The following TOR1AIP2 variants were observed in gnomAD, a reference collection of about 807,000 sequenced individuals.
TOR1AIP2 encodes torsin 1A interacting protein 2, also known as torsin-1A-interacting protein 2.
A neutral mutation model predicts 32.6 loss-of-function variants in TOR1AIP2; 20 were observed. The ratio of observed to expected loss-of-function variants is 0.61; its 90% confidence interval spans 0.43 to 0.89. TOR1AIP2 has a LOEUF of 0.89. Among genes scored for constraint, TOR1AIP2 ranks in the 40% least tolerant of loss-of-function variants. TOR1AIP2 has a pLI of 0.00. For synonymous variants in TOR1AIP2, 214 were observed against 210.8 expected, an observed-to-expected ratio of 1.02 and a Z score of -0.13; for missense variants, 456 against 553.8, an observed-to-expected ratio of 0.82 and a Z score of 1.77.
intron 1 of TOR1AIP2, 56 bp downstream of exon 1, chr1:179,877,637 A>G (rs1338630431): frequency 1.3e-5 from 2 of 152,322 alleles, no homozygotes; most frequent in African/African-American, 2.4e-5. Context: ...AAAATTCAAG[A>G]TATCAGTTTC....
At chr1:179,864,248 C>T (rs1214989433) in intron 3 of TOR1AIP2, 2 of 985,248 alleles carry the variant, frequency 2.0e-6, no homozygotes, top group African/African-American at 3.5e-5. Flanking sequence ...GAATAAATGG[C>T]TATATAAGAG....
At position 179,845,893 on chromosome 1, in the gene TOR1AIP2, G is replaced by A. The variant is rs1695883598; in HGVS notation, c.*178C>T. 1 of 632,020 alleles carries A rather than the reference G, an allele frequency of 1.6e-6. No homozygotes were observed. Among genetic ancestry groups the A allele is most frequent in the South Asian group, 3.0e-5 (1 of 33,272 alleles). The allele number at this position is 632,020 out of a possible 1,614,324, so 39.2% of individuals were successfully genotyped here. A position where few individuals can be genotyped will look rare whatever the true frequency, so the allele number is the denominator to read the frequency against. ...TAATTTTTAGCTTTGTCAAGGCTTAGATTAGAAAGATTTTACAAGGAATAA... is the reference window on the plus strand; with the variant it reads ...TAATTTTTAGCTTTGTCAAGGCTTAAATTAGAAAGATTTTACAAGGAATAA... On this transcript the variant is annotated 3_prime_UTR_variant, in exon 7 of 7. Transcript: ENST00000609928.
intron 3 of TOR1AIP2, 118 bp downstream of exon 3, chr1:179,865,318 A>G: frequency 8.8e-7 from 1 of 1,139,312 alleles, no homozygotes; most frequent in South Asian, 1.7e-5. Context: ...GAGCCAAATA[A>G]ACTTGGCTTG....
chr1:179,864,017 A>G, intron 3 of TOR1AIP2: 1 of 985,450 alleles, frequency 1.0e-6, no homozygotes, highest in South Asian at 4.7e-5. Flanking sequence ...CCTGATAGGT[A>G]CTTTTCCATT....
chr1:179,877,649 A>T (rs187245956), intron 1 of TOR1AIP2, 44 bp downstream of exon 1: 205 of 152,374 alleles, frequency 1.3e-3, no homozygotes, highest in African/African-American at 4.7e-3. Flanking sequence ...ATCAGTTTCA[A>T]TACTAAAACA....
chr1:179,876,516 A>C (rs1056710480), intron 2 of TOR1AIP2, among the ~76,000 whole-genome samples: 1 of 152,232 alleles, frequency 6.6e-6, no homozygotes, highest in Admixed American at 6.5e-5. Context: ...TTTCATAACA[A>C]ATGTTAGTTT....
intron 2 of TOR1AIP2, among the ~76,000 whole-genome samples, chr1:179,876,986 CA>C (rs1647365991): frequency 7.4e-6 from 1 of 135,412 alleles, no homozygotes; most frequent in Non-Finnish European, 1.7e-5. Context: ...TTTTTAGCAC[CA>C]ATTTTTTTTT....
In TOR1AIP2 at chr1:179,842,676, A is replaced by G. The variant is rs1225712307; in HGVS notation, c.*3395T>C. 6.6e-6 allele frequency: 1 copy of G among 152,216 alleles called. No individual in the cohort carries two copies. Among genetic ancestry groups the G allele is most frequent in the East Asian group, 1.9e-4 (1 of 5,202 alleles). The allele number at this position is 152,216 out of a possible 1,614,324, so 9.4% of individuals were successfully genotyped here. A position where few individuals can be genotyped will look rare whatever the true frequency, so the allele number is the denominator to read the frequency against. The stretch of plus-strand genomic sequence containing the variant: ...TTGTATGCCCACAAATCATTTTTCT[A>G]AGTCAAATAAGCAAATTATCTTTGA... On this transcript the variant is annotated 3_prime_UTR_variant, in exon 7 of 7. Transcript: ENST00000609928.
intron 2 of TOR1AIP2, chr1:179,868,722 G>A (rs141833662): frequency 6.6e-6 from 1 of 151,630 alleles, no homozygotes; most frequent in African/African-American, 2.4e-5. Context: ...TGAAACTCAA[G>A]AATGTTGAGC....
chr1:179,850,173 TGAAGCACCAGGAA>T (rs1260928366), intron 5 of TOR1AIP2, among the ~76,000 whole-genome samples: 185 of 152,232 alleles, frequency 1.2e-3, no homozygotes, highest in African/African-American at 4.4e-3. Context: ...AACAGGAAAT[TGAAGCACCAGGAA>T]GGGAAGATTT....
rs567454479 is a variant in TOR1AIP2, at chr1:179,842,218, C to A, written c.*3853G>T. ...ACTCTGTCTCAAAAAAAAAAAAAGGCTGTTAAAGGGTCAAAACCATCTCAG... is the reference window on the plus strand; with the variant it reads ...ACTCTGTCTCAAAAAAAAAAAAAGGATGTTAAAGGGTCAAAACCATCTCAG... On this transcript the variant is annotated 3_prime_UTR_variant, in exon 7 of 7. Coordinates refer to ENST00000609928, the MANE Select transcript of TOR1AIP2 (RefSeq NM_001199260.2). The A allele has an allele frequency of 2.7e-5, 4 of 149,008 alleles. No individual in the cohort carries two copies. The South Asian group carries it at 8.5e-4, about 32-fold the overall frequency. 9.2% of individuals were successfully genotyped at this position (149,008 alleles called of 1,614,324 possible). A position where few individuals can be genotyped will look rare whatever the true frequency, so the allele number is the denominator to read the frequency against.
chr1:179,875,219 T>A (rs1364850796), intron 2 of TOR1AIP2: 2 of 152,234 alleles, frequency 1.3e-5, no homozygotes, highest in Non-Finnish European at 2.9e-5. Context: ...GCCAGGTTGG[T>A]CTCAAACTCC....
At chr1:179,874,497 T>C (rs754222553) in intron 2 of TOR1AIP2, 4 of 152,260 alleles carry the variant, frequency 2.6e-5, no homozygotes, top group African/African-American at 9.6e-5. Context: ...TGGTGGCTCA[T>C]GCCTATAATC....
intron 3 of TOR1AIP2, 165 bp downstream of exon 3, chr1:179,865,271 G>A (rs1302959934): frequency 1.4e-5 from 20 of 1,442,642 alleles, no homozygotes; most frequent in Middle Eastern, 1.8e-4. Flanking sequence ...TACAGGTTTC[G>A]TTTACCAATT....
intron 3 of TOR1AIP2, chr1:179,860,945 TG>T (rs1476284993): frequency 1.0e-6 from 1 of 985,410 alleles, no homozygotes; most frequent in African/African-American, 1.7e-5. Flanking sequence ...CCTGTTTGCC[TG>T]GGCTTCCTTC....
At position 179,848,664 on chromosome 1, in the gene TOR1AIP2, C is replaced by G. The variant is rs140464877; in HGVS notation, c.554-1028G>C. Reference sequence around the variant, plus strand: ...TATTAGCATAGATGAGTAGGATCATCTTCACTTATAAAGGATTGTTCCTAT... The same window carrying G: ...TATTAGCATAGATGAGTAGGATCATGTTCACTTATAAAGGATTGTTCCTAT... On this transcript the variant is annotated intron_variant, in intron 5 of 6. Coordinates refer to ENST00000609928, the MANE Select transcript of TOR1AIP2 (RefSeq NM_001199260.2). Among the ~76,000 whole-genome samples, 968 of 152,282 alleles carry G rather than the reference C, an allele frequency of 6.4e-3. 13 individuals are homozygous for G. Among genetic ancestry groups the G allele is most frequent in the African/African-American group, 0.022 (910 of 41,562 alleles).
intron 2 of TOR1AIP2, among the ~76,000 whole-genome samples, chr1:179,866,923 C>G (rs1032891244): frequency 1.3e-5 from 2 of 148,914 alleles, no homozygotes; most frequent in Non-Finnish European, 2.9e-5. Context: ...AGAAGGCCAC[C>G]TAGAGGGTAT....
At position 179,842,202 on chromosome 1, in the gene TOR1AIP2, CAAAAAA is replaced by C. The variant is rs11418183; in HGVS notation, c.*3863_*3868del. ...GGATAACAAGAGTGAAACTCTGTCT[CAAAAAA>C]AAAAAAAGGCTGTTAAAGGGTCAAA... On this transcript the variant is annotated 3_prime_UTR_variant, in exon 7 of 7. Transcript: ENST00000609928. 7.3e-6 allele frequency: 1 copy of C among 137,164 alleles called. No individual in the cohort carries two copies. Among genetic ancestry groups the C allele is most frequent in the Non-Finnish European group, 1.6e-5 (1 of 63,050 alleles). The allele number at this position is 137,164 out of a possible 1,614,324, so 8.5% of individuals were successfully genotyped here. A position where few individuals can be genotyped will look rare whatever the true frequency, so the allele number is the denominator to read the frequency against.
chr1:179,863,112 G>C (rs141727005), intron 3 of TOR1AIP2: 5,451 of 325,778 alleles, frequency 0.017, 316 homozygotes, highest in African/African-American at 0.11. Context: ...TGTAGTCCCA[G>C]CTACTCGGGA....
Sources: gnomAD v4.1 joint callset for allele counts (sites outside exome capture counted in the v4.1 genomes callset) on GRCh38, gnomAD v4.1.1 for gene constraint, MANE v1.5 for transcripts, NCBI Gene and HGNC (gene_info 2026-07-23, HGNC 2026-07-21) for gene names.